Variants in ZNF423 observed in about 807,000 individuals in gnomAD.
The protein encoded by ZNF423 is Ebf-associated zinc finger protein.
In ZNF423, 12 loss-of-function variants were observed where a neutral mutation model predicts 95.8. That is an observed-to-expected ratio of 0.13 (90% CI 0.08 to 0.20). The LOEUF is 0.20. Ranked by LOEUF, ZNF423 falls within the 10% of genes least tolerant of loss-of-function variation. ZNF423 has a pLI of 1.00. For missense variants in ZNF423, 1,316 were observed against 1,737.1 expected, an observed-to-expected ratio of 0.76 and a Z score of 4.31; for synonymous variants, 749 against 711.9, an observed-to-expected ratio of 1.05 and a Z score of -0.83.
At chr16:49,586,776 A>G (rs7204390) in intron 5 of ZNF423, among the ~76,000 whole-genome samples, 82,703 of 151,922 alleles carry the variant, frequency 0.54, 22,755 homozygotes, top group East Asian at 0.77. Flanking sequence ...TTTCTTTCCA[A>G]CTCCGAACCA....
rs1287642444 is a variant in ZNF423 at position 49,513,817 on chromosome 16, A to C, written c.3849+9807T>G. 2.6e-5 allele frequency among the ~76,000 whole-genome samples: 4 copies of C among 152,262 alleles called. No homozygotes were observed. In the East Asian group the frequency reaches 7.7e-4, roughly 29 times the overall value. ...AAGGGCTGGAGAAACCAAAGGAAGG[A>C]GAATCCGAGAGGCTTCTCAGGGGAG... On this transcript the variant is annotated intron_variant, in intron 7 of 7. Transcript: ENST00000563137.
chr16:49,783,946 G>A (rs1234044869), intron 2 of ZNF423, among the ~76,000 whole-genome samples: 3 of 146,616 alleles, frequency 2.0e-5, no homozygotes, highest in Non-Finnish European at 4.5e-5. Flanking sequence ...CTCCAGCCTG[G>A]CAACAGAGCA....
At position 49,618,177 on chromosome 16, in the gene ZNF423, C is replaced by T. The variant is rs574482604; in HGVS notation, c.3601+7993G>A. Among the ~76,000 whole-genome samples the T allele has an allele frequency of 8.5e-5, 13 of 152,356 alleles. No individual in the cohort carries two copies. In the South Asian group the frequency reaches 2.7e-3, roughly 32 times the overall value. ...CTGAGTTCAGGTCCCTACCCTGAAA[C>T]TAGCAACATTGGACATGACACCTCA... On this transcript the variant is annotated intron_variant, in intron 5 of 7. Coordinates refer to ENST00000563137, the MANE Select transcript of ZNF423 (RefSeq NM_001379286.1).
chr16:49,734,997 A>G (rs1362164729), intron 2 of ZNF423, among the ~76,000 whole-genome samples: 1 of 152,188 alleles, frequency 6.6e-6, no homozygotes, highest in African/African-American at 2.4e-5. Flanking sequence ...AGCCCACTGC[A>G]TGTGACTCTT....
chr16:49,509,118 T>C lies in ZNF423; in HGVS notation c.3849+14506A>G, dbSNP rs979566561. On this transcript the variant is annotated intron_variant, in intron 7 of 7. Transcript: ENST00000563137. ...TGTTCCCGTTTGACCGATGAAGAAA[T>C]TGAGGCTCAGAAAAGCAAAGTGGCT... Among the ~76,000 whole-genome samples, 4 of 152,286 alleles carry C rather than the reference T, an allele frequency of 2.6e-5. No homozygotes were observed. The South Asian group carries it at 6.2e-4, about 24-fold the overall frequency.
chr16:49,830,167 G>A (rs897284351), intron 1 of ZNF423, among the ~76,000 whole-genome samples: 14 of 152,202 alleles, frequency 9.2e-5, no homozygotes, highest in African/African-American at 3.1e-4. Flanking sequence ...CAGAAGAGGT[G>A]ACATTGAACC....
intron 3 of ZNF423, among the ~76,000 whole-genome samples, chr16:49,661,237 C>T (rs552225189): frequency 7.1e-6 from 1 of 141,438 alleles, no homozygotes; most frequent in African/African-American, 2.8e-5. Context: ...AAAAAAAAGA[C>T]ACAGACTCAA....
In ZNF423 at chr16:49,855,200, C is replaced by A. The variant is rs1156791258; in HGVS notation, c.40+535G>T. ...GCGCCCGGGGCGCTCGCCGACAGCG[C>A]CCGCCGCTCCCCGCGTCCTCGGGCG... is the stretch of plus-strand genomic sequence containing the variant. On this transcript the variant is annotated intron_variant, in intron 1 of 7. Coordinates refer to ENST00000563137, the MANE Select transcript of ZNF423 (RefSeq NM_001379286.1). This position sits in a 1 kb window ranked among gnomAD's most constrained non-coding sequence, Gnocchi z 4.7. Among the ~76,000 whole-genome samples the A allele has an allele frequency of 1.3e-5, 2 of 150,482 alleles. No individual in the cohort carries two copies. The highest frequency in any genetic ancestry group is 3.9e-4 in the East Asian group (2 of 5,064).
chr16:49,567,541 G>A (rs979936640), intron 5 of ZNF423, among the ~76,000 whole-genome samples: 41 of 151,812 alleles, frequency 2.7e-4, no homozygotes, highest in East Asian at 5.8e-4. Context: ...CGCCGTTCAT[G>A]CTGGCCAACC....
At chr16:49,660,668 T>C (rs965589209) in intron 3 of ZNF423, among the ~76,000 whole-genome samples, 15 of 152,114 alleles carry the variant, frequency 9.9e-5, no homozygotes, top group African/African-American at 3.1e-4. Context: ...TCTGAATTTG[T>C]TATGATTTTA....
intron 5 of ZNF423, among the ~76,000 whole-genome samples, chr16:49,615,124 T>G (rs1037694730): frequency 1.0e-4 from 9 of 88,804 alleles, no homozygotes; most frequent in African/African-American, 6.4e-4. Flanking sequence ...AGAAAGAAAC[T>G]CCATCTCACA....
intron 3 of ZNF423, among the ~76,000 whole-genome samples, chr16:49,642,216 T>C (rs1200761738): frequency 3.3e-5 from 5 of 152,154 alleles, no homozygotes; most frequent in African/African-American, 9.7e-5. Context: ...AACATTCCCA[T>C]TTCTGAGATG....
At chr16:49,594,992 A>G (rs900488385) in intron 5 of ZNF423, among the ~76,000 whole-genome samples, 2 of 152,058 alleles carry the variant, frequency 1.3e-5, no homozygotes, top group Non-Finnish European at 2.9e-5. Flanking sequence ...CTCTTTCAGA[A>G]CTCCTTGGCA....
chr16:49,715,276 T>A (rs988967412), intron 3 of ZNF423, among the ~76,000 whole-genome samples: 1 of 152,172 alleles, frequency 6.6e-6, no homozygotes, highest in Non-Finnish European at 1.5e-5. Flanking sequence ...GAGCCGCTGC[T>A]GCAGGAGACG....
chr16:49,556,407 G>A (rs569081833), intron 5 of ZNF423, among the ~76,000 whole-genome samples: 114 of 152,198 alleles, frequency 7.5e-4, no homozygotes, highest in Non-Finnish European at 1.4e-3. Flanking sequence ...CTATCCCAGC[G>A]TCTCTCACAT....
chr16:49,631,732 G>C (rs1181823387), intron 4 of ZNF423, among the ~76,000 whole-genome samples: 2 of 152,218 alleles, frequency 1.3e-5, no homozygotes, highest in African/African-American at 4.8e-5. Flanking sequence ...AAGCCAGCCA[G>C]AGCTGTTATA....
intron 2 of ZNF423, among the ~76,000 whole-genome samples, chr16:49,788,147 G>T (rs779248296): frequency 6.6e-6 from 1 of 152,146 alleles, no homozygotes; most frequent in African/African-American, 2.4e-5. Flanking sequence ...TTCAGACAAG[G>T]CCCCTCTCTA....
At chr16:49,663,385 G>GC (rs1410480402) in intron 3 of ZNF423, among the ~76,000 whole-genome samples, 5 of 151,998 alleles carry the variant, frequency 3.3e-5, no homozygotes, top group East Asian at 3.9e-4. Context: ...TACCACTGAG[G>GC]CCCCCCAGCC....
chr16:49,625,949 T>C (rs369593147), intron 5 of ZNF423, among the ~76,000 whole-genome samples: 2 of 152,208 alleles, frequency 1.3e-5, no homozygotes, highest in South Asian at 2.1e-4. Context: ...ATGGAAGAGA[T>C]TGTCAAAAGT....
Sources: allele counts gnomAD v4.1 joint callset (sites outside exome capture counted in the v4.1 genomes callset), GRCh38; gene constraint gnomAD v4.1.1; non-coding constraint Gnocchi (gnomAD v3.1); transcripts MANE v1.5; gene names NCBI Gene and HGNC (gene_info 2026-07-23, HGNC 2026-07-21).